The following ARHGEF10 variants were observed in gnomAD, a reference collection of about 807,000 sequenced individuals.
The protein encoded by ARHGEF10 is Rho guanine nucleotide exchange factor (GEF) 10.
Under a neutral mutation model 147.4 loss-of-function variants are expected in ARHGEF10, and 140 were observed. The ratio of observed to expected loss-of-function variants is 0.95; its 90% confidence interval spans 0.83 to 1.09. The LOEUF is 1.09. Among genes scored for constraint, ARHGEF10 ranks in the 50% least tolerant of loss-of-function variants. The pLI is 0.00. For missense variants in ARHGEF10, 2,222 were observed against 1,752.7 expected (o/e 1.27, Z -4.78); for synonymous variants, 902 against 695.8 (o/e 1.30, Z -4.67).
At position 1,926,464 on chromosome 8, in the gene ARHGEF10, G is replaced by T; in HGVS notation, c.2697+1G>T. ...TTCCACGGCACATGGTTTCCTGTGG[G>T]TAAGATGTGTTTATTTGGTTTTGGT... On this transcript the variant is annotated splice_donor_variant, in intron 23 of 28. Coordinates refer to ENST00000349830, the MANE Select transcript of ARHGEF10 (RefSeq NM_014629.4). LOFTEE classifies it high-confidence loss of function. 1 of 1,613,100 alleles carries T rather than the reference G, an allele frequency of 6.2e-7. No individual in the cohort carries two copies. Among genetic ancestry groups the T allele is most frequent in the Non-Finnish European group, 8.5e-7 (1 of 1,179,078 alleles).
At chr8:1,851,027 G>C (rs943354232) in intron 2 of ARHGEF10, among the ~76,000 whole-genome samples, 2 of 152,158 alleles carry the variant, frequency 1.3e-5, no homozygotes, top group Non-Finnish European at 2.9e-5. Flanking sequence ...GGGTTGCTAG[G>C]GGTTTGCGGG....
chr8:1,889,930 GC>G (rs1240158601), intron 11 of ARHGEF10, among the ~76,000 whole-genome samples: 2 of 138,264 alleles, frequency 1.4e-5, no homozygotes, highest in African/African-American at 5.5e-5. Flanking sequence ...AGTGAGTGGG[GC>G]GAGGGTTGTG....
At chr8:1,892,018 A>G (rs1344567819) in intron 11 of ARHGEF10, among the ~76,000 whole-genome samples, 1 of 148,818 alleles carries the variant, frequency 6.7e-6, no homozygotes, top group Non-Finnish European at 1.5e-5. Context: ...ATATAGTATA[A>G]TATATAACAT....
At chr8:1,887,333 A>G (rs1336491343) in intron 11 of ARHGEF10, among the ~76,000 whole-genome samples, 1 of 152,278 alleles carries the variant, frequency 6.6e-6, no homozygotes, top group Non-Finnish European at 1.5e-5. Context: ...TTGAGGACAC[A>G]TGGCCCAAGC....
At chr8:1,941,656 A>C (rs1307816262) in intron 26 of ARHGEF10, among the ~76,000 whole-genome samples, 1 of 152,192 alleles carries the variant, frequency 6.6e-6, no homozygotes, top group Admixed American at 6.5e-5. Flanking sequence ...AGAATAGCCA[A>C]AACAATCTAG....
intron 18 of ARHGEF10, among the ~76,000 whole-genome samples, chr8:1,920,014 GGA>G (rs1812134856): frequency 2.1e-5 from 3 of 146,208 alleles, no homozygotes; most frequent in Non-Finnish European, 4.5e-5. Flanking sequence ...GCTGTTCTGT[GGA>G]TGATGGAGCT....
chr8:1,892,637 G>A (rs1809636227), intron 11 of ARHGEF10, among the ~76,000 whole-genome samples: 1 of 151,914 alleles, frequency 6.6e-6, no homozygotes, highest in Admixed American at 6.6e-5. Flanking sequence ...CCGTGTGTGT[G>A]CATGTGTGTG....
intron 15 of ARHGEF10, among the ~76,000 whole-genome samples, chr8:1,901,312 G>A (rs931345577): frequency 1.3e-5 from 2 of 152,088 alleles, no homozygotes; most frequent in African/African-American, 2.4e-5. Context: ...TCCTCCCAGT[G>A]ACTCTCCTGG....
chr8:1,844,926 T>G (rs868168590), intron 2 of ARHGEF10, among the ~76,000 whole-genome samples: 73 of 152,260 alleles, frequency 4.8e-4, no homozygotes, highest in African/African-American at 1.7e-3. Context: ...AATGTAATAA[T>G]AATTAGTTGT....
At chr8:1,945,713 G>A in intron 27 of ARHGEF10, 58 bp downstream of exon 27, 5 of 1,606,594 alleles carry the variant, frequency 3.1e-6, no homozygotes, top group African/African-American at 2.7e-5. Context: ...GACGTGGGGG[G>A]TGCGGAGCGC....
intron 18 of ARHGEF10, among the ~76,000 whole-genome samples, chr8:1,910,740 C>T (rs988554129): frequency 2.0e-5 from 3 of 152,154 alleles, no homozygotes; most frequent in Admixed American, 1.3e-4. Flanking sequence ...TATTTGGAAA[C>T]ATTGATTGGC....
intron 15 of ARHGEF10, 150 bp from the exon 16 acceptor site, chr8:1,903,131 C>T (rs1191088754): frequency 1.4e-5 from 14 of 1,022,586 alleles, no homozygotes; most frequent in Non-Finnish European, 2.0e-5. Context: ...TCACTCAGCT[C>T]ATCATCCCTT....
At chr8:1,864,219 A>G (rs1806388341) in intron 4 of ARHGEF10, 154 bp from the exon 5 acceptor site, 1 of 741,526 alleles carries the variant, frequency 1.3e-6, no homozygotes, top group Non-Finnish European at 2.4e-6. Context: ...TTTATCTAAG[A>G]GCTAAAAATT....
intron 5 of ARHGEF10, among the ~76,000 whole-genome samples, chr8:1,866,135 G>A (rs1378909736): frequency 6.6e-6 from 1 of 152,176 alleles, no homozygotes. Flanking sequence ...TCCTGGACAT[G>A]GAGACGGCCC....
chr8:1,920,744 G>A (rs1297033367), intron 18 of ARHGEF10, among the ~76,000 whole-genome samples: 1 of 151,726 alleles, frequency 6.6e-6, no homozygotes, highest in Admixed American at 6.6e-5. Flanking sequence ...GATAAATAAA[G>A]TTGCGATGTG....
chr8:1,956,690 T>G (rs901808575), intron 28 of ARHGEF10, 59 bp from the exon 29 acceptor site: 19 of 1,609,254 alleles, frequency 1.2e-5, no homozygotes, highest in Non-Finnish European at 1.4e-5. Context: ...ACTTTTTGCT[T>G]CCTTGTCTCA....
Position 1,925,403 on chromosome 8 carries a change from A to G in ARHGEF10, c.2609A>G (p.Lys870Arg), listed in dbSNP as rs530905765. The change falls in exon 22 of 29, where the codon AAG (lysine) becomes AGG (arginine). Residue 870 changes from lysine to arginine, a missense_variant and splice_region_variant. By Grantham distance (26) the Lys-to-Arg change is conservative. Transcript: ENST00000349830. Reference protein sequence around the residue: ...PVMVAKQQEFKIECAAYNPEP... With the variant: ...PVMVAKQQEFRIECAAYNPEP... Reference sequence around the variant, plus strand: ...ATGGTGGCCAAGCAGCAGGAGTTCAAGGTGAAGGGAGGCAGGGCCCGCGGC... The same window carrying G: ...ATGGTGGCCAAGCAGCAGGAGTTCAGGGTGAAGGGAGGCAGGGCCCGCGGC... 3.7e-6 allele frequency: 6 copies of G among 1,613,968 alleles called. No individual in the cohort carries two copies. The highest frequency in any genetic ancestry group is 1.1e-5 in the South Asian group (1 of 91,074).
In ARHGEF10 at chr8:1,893,922, C is replaced by G. The variant is rs557829310; in HGVS notation, c.1260+276C>G. On this transcript the variant is annotated intron_variant, in intron 12 of 28. Coordinates refer to ENST00000349830, the MANE Select transcript of ARHGEF10 (RefSeq NM_014629.4). Reference sequence around the variant, plus strand: ...GGCTCGGTGGCTCACCCCTGTAATCCTAGCACTTTGGGAGGCTGAGTCAGG... The same window carrying G: ...GGCTCGGTGGCTCACCCCTGTAATCGTAGCACTTTGGGAGGCTGAGTCAGG... Among the ~76,000 whole-genome samples the G allele has an allele frequency of 2.0e-5, 3 of 152,126 alleles. No homozygotes were observed. In the South Asian group the frequency reaches 6.2e-4, roughly 32 times the overall value.
intron 7 of ARHGEF10, among the ~76,000 whole-genome samples, chr8:1,872,970 T>TG (rs1434907390): frequency 6.7e-6 from 1 of 149,454 alleles, no homozygotes; most frequent in African/African-American, 2.6e-5. Context: ...TGAAATGCAT[T>TG]TTGGGGTAAT....
Sources: allele counts gnomAD v4.1 joint callset (sites outside exome capture counted in the v4.1 genomes callset), GRCh38; gene constraint gnomAD v4.1.1; transcripts MANE v1.5; gene names NCBI Gene and HGNC (gene_info 2026-07-23, HGNC 2026-07-21).